PZP: variants seen among roughly 807,000 people sequenced by gnomAD.
The protein encoded by PZP is PZP alpha-2-macroglobulin like.
A neutral mutation model predicts 179.8 loss-of-function variants in PZP; 150 were observed. The observed-to-expected ratio is 0.83, with a 90% CI of 0.73 to 0.96. The LOEUF (loss-of-function observed/expected upper bound fraction) is 0.96, where lower values mean the gene tolerates loss of function less well. Among genes scored for constraint, PZP ranks in the 40% least tolerant of loss-of-function variants. The pLI is 0.00. For synonymous variants in PZP, 624 were observed against 652.3 expected (o/e 0.96, Z 0.66); for missense variants, 1,689 against 1,764.0 (o/e 0.96, Z 0.76).
Position 9,157,260 on chromosome 12 carries a change from C to A in PZP, c.3465G>T (p.Leu1155Phe), listed in dbSNP as rs1192328245. 11 of 1,614,046 alleles carry A rather than the reference C, an allele frequency of 6.8e-6. No homozygotes were observed. The East Asian group carries it at 1.1e-4, about 16-fold the overall frequency. ...THGSHVYTKA[L>F]LAYAFSLLGK... is the part of the protein sequence containing the mutation. ...CCAGTAGGGAAAAAGCATAGGCCAGCAATGCCTTGGTGTAGACATGGCTCC... is the reference window on the plus strand; with the variant it reads ...CCAGTAGGGAAAAAGCATAGGCCAGAAATGCCTTGGTGTAGACATGGCTCC... Residue 1155 changes from leucine to phenylalanine, a missense_variant, in exon 28 of 36, where the codon TTG (leucine) becomes TTT (phenylalanine). Transcript: ENST00000261336.
At chr12:9,205,556 GC>G (rs1218993594) in intron 1 of PZP, among the ~76,000 whole-genome samples, 3 of 152,084 alleles carry the variant, frequency 2.0e-5, no homozygotes, top group African/African-American at 7.2e-5. Context: ...TAAAATCCCT[GC>G]CCCCATGCCA....
intron 25 of PZP, 53 bp downstream of exon 25, chr12:9,159,885 A>C: frequency 4.2e-6 from 6 of 1,423,800 alleles, no homozygotes; most frequent in Non-Finnish European, 5.9e-6. Flanking sequence ...CAGGTAATCT[A>C]TGTGCACGTT....
rs371622580 is a variant in PZP, at chr12:9,194,082, C to T, written c.1249G>A (p.Val417Ile). 1.9e-6 allele frequency: 3 copies of T among 1,612,654 alleles called. No homozygotes were observed. Among genetic ancestry groups the T allele is most frequent in the Non-Finnish European group, 2.5e-6 (3 of 1,179,168 alleles). The change falls in exon 11 of 36, where the codon GTC becomes ATC. Residue 417 changes from valine to isoleucine, a missense_variant. By Grantham distance (29) the Val-to-Ile change is conservative. Coordinates refer to ENST00000261336, the MANE Select transcript of PZP (RefSeq NM_002864.3). Reference protein sequence around the residue: ...TTSISVNKLFVRVFTVHPNLC... With the variant: ...TTSISVNKLFIRVFTVHPNLC... ...ATTTGTCTTTCTATACTTACCCGGA[C>T]AAAAAGTTTATTAACCGAGATACTG...
chr12:9,151,723 T>C, intron 32 of PZP, 51 bp from the exon 33 acceptor site: 1 of 1,439,572 alleles, frequency 6.9e-7, no homozygotes, highest in South Asian at 1.2e-5. Flanking sequence ...GATGTGAGAA[T>C]GGTGTGAGAT....
chr12:9,151,305 A>C (rs1324909158), intron 33 of PZP, among the ~76,000 whole-genome samples: 2 of 152,188 alleles, frequency 1.3e-5, no homozygotes, highest in African/African-American at 4.8e-5. Context: ...ATTTATTCAT[A>C]TCGTCAGGGA....
chr12:9,182,307 CT>C, intron 13 of PZP, among the ~76,000 whole-genome samples, 190 bp from the exon 14 acceptor site: 1 of 152,192 alleles, frequency 6.6e-6, no homozygotes. Flanking sequence ...CCCTTCAGAA[CT>C]TTAATTATAG....
the PZP span, among the ~76,000 whole-genome samples, chr12:9,136,739 A>G: frequency 6.6e-6 from 1 of 151,976 alleles, no homozygotes; most frequent in Non-Finnish European, 1.5e-5. Flanking sequence ...GTGAAGCGAT[A>G]TCTCATTGTG....
chr12:9,155,253 G>C (rs187654176), intron 28 of PZP, among the ~76,000 whole-genome samples: 1 of 152,278 alleles, frequency 6.6e-6, no homozygotes, highest in African/African-American at 2.4e-5. Context: ...AAAATAGTTT[G>C]AAAATGTTAT....
At chr12:9,206,750 A>G (rs1054605755) in intron 1 of PZP, among the ~76,000 whole-genome samples, 2 of 152,016 alleles carry the variant, frequency 1.3e-5, no homozygotes, top group African/African-American at 2.4e-5. Flanking sequence ...GCTTGTGACA[A>G]CTAGGGCATG....
Position 9,192,605 on chromosome 12 carries a change from G to C in PZP, c.1389C>G (p.Thr463=). Residue 463 remains threonine (T), a synonymous_variant, in exon 12 of 36, where the codon ACC becomes ACG. Coordinates refer to ENST00000261336, the MANE Select transcript of PZP (RefSeq NM_002864.3). ...TAGTCTCCGTGTGGCCACAGGGCAG[G>C]GTACCAGCCACAGGCTCCAGGTGAA... The part of the protein sequence containing the change: ...SYIHLEPVAG[T]LPCGHTETIT... 6.2e-7 allele frequency: 1 copy of C among 1,614,170 alleles called. No homozygotes were observed. Among genetic ancestry groups the C allele is most frequent in the Non-Finnish European group, 8.5e-7 (1 of 1,180,026 alleles).
downstream of PZP, among the ~76,000 whole-genome samples, chr12:9,144,446 C>T (rs1939900476): frequency 6.6e-6 from 1 of 152,142 alleles, no homozygotes; most frequent in Non-Finnish European, 1.5e-5. Context: ...GGATGAGCTG[C>T]CACTGCCCAC....
In PZP at chr12:9,166,066, C is replaced by T. The variant is rs139444179; in HGVS notation, c.2244G>A (p.Glu748=). The part of the protein sequence containing the change: ...RSYFPETWIW[E]LVAVNSSGVA... ...AAGTTACTTACTTCACTGCCACCAA[C>T]TCCCAGATCCAAGTCTCAGGAAAAT... The change falls in exon 18 of 36, where the codon GAG becomes GAA. Residue 748 remains glutamate (E), a synonymous_variant. Coordinates refer to ENST00000261336, the MANE Select transcript of PZP (RefSeq NM_002864.3). The T allele has an allele frequency of 6.2e-7, 1 of 1,607,396 alleles. No individual in the cohort carries two copies. The highest frequency in any genetic ancestry group is 1.7e-5 in the Admixed American group (1 of 57,928).
intron 17 of PZP, 24 bp from the exon 18 acceptor site, chr12:9,166,226 G>C (rs1941575596): frequency 6.2e-7 from 1 of 1,604,368 alleles, no homozygotes; most frequent in South Asian, 1.1e-5. Flanking sequence ...AAATTGTCTA[G>C]TTAGGGAAAA....
At chr12:9,171,743 A>G (rs1277035559) in intron 15 of PZP, among the ~76,000 whole-genome samples, 1 of 152,200 alleles carries the variant, frequency 6.6e-6, no homozygotes, top group Non-Finnish European at 1.5e-5. Flanking sequence ...AGAATCTCAG[A>G]GCCTGAAGAT....
At chr12:9,180,596 T>A (rs1364611015) in intron 15 of PZP, among the ~76,000 whole-genome samples, 1 of 152,134 alleles carries the variant, frequency 6.6e-6, no homozygotes, top group Non-Finnish European at 1.5e-5. Flanking sequence ...TGGCTAGCCA[T>A]ATGTAGAAAG....
At chr12:9,177,230 G>A (rs1413399339) in intron 15 of PZP, among the ~76,000 whole-genome samples, 2 of 152,216 alleles carry the variant, frequency 1.3e-5, no homozygotes, top group African/African-American at 4.8e-5. Flanking sequence ...CTCTTGGAAC[G>A]CATTAGCTCT....
In PZP at chr12:9,153,108, T is replaced by A; in HGVS notation, c.3993+17A>T. ...AGTTTAAAGTTGACTCTCACCCATA[T>A]AAGCTTGGAGCCCTACCTGAAGATA... On this transcript the variant is annotated intron_variant, in intron 30 of 35. Transcript: ENST00000261336. The A allele has an allele frequency of 6.2e-7, 1 of 1,613,142 alleles. No homozygotes were observed. The highest frequency in any genetic ancestry group is 1.7e-5 in the Admixed American group (1 of 60,016).
intron 1 of PZP, among the ~76,000 whole-genome samples, chr12:9,207,739 G>A (rs1475096536): frequency 6.6e-6 from 1 of 152,222 alleles, no homozygotes; most frequent in Admixed American, 6.5e-5. Context: ...TAGAGGAGAG[G>A]AACTGGGGAG....
At chr12:9,205,691 A>G (rs1944409970) in intron 1 of PZP, among the ~76,000 whole-genome samples, 5 of 152,198 alleles carry the variant, frequency 3.3e-5, no homozygotes, top group Admixed American at 3.3e-4. Flanking sequence ...AGTAAAAACT[A>G]TTATTTTCTT....
Sources: gnomAD v4.1 joint callset for allele counts (sites outside exome capture counted in the v4.1 genomes callset) on GRCh38, gnomAD v4.1.1 for gene constraint, MANE v1.5 for transcripts, NCBI Gene and HGNC (gene_info 2026-07-23, HGNC 2026-07-21) for gene names.